GALNT14: variants seen among roughly 807,000 people sequenced by gnomAD.
GALNT14 encodes the protein polypeptide N-acetylgalactosaminyltransferase 14, also known as UDP-GalNAc:polypeptide N-acetylgalactosaminyltransferase 14.
In GALNT14, 60 loss-of-function variants were observed where a neutral mutation model predicts 77.5. The observed-to-expected ratio is 0.77, with a 90% CI of 0.63 to 0.96. The LOEUF is 0.96. Ranked by LOEUF, GALNT14 falls within the 40% of genes least tolerant of loss-of-function variation. The pLI, the probability that GALNT14 is intolerant of heterozygous loss-of-function variation, is 0.00. For synonymous variants in GALNT14, 280 were observed against 281.7 expected (o/e 0.99, Z 0.06); for missense variants, 710 against 731.0 (o/e 0.97, Z 0.33).
intron 2 of GALNT14, among the ~76,000 whole-genome samples, chr2:30,971,809 G>C (rs1338517204): frequency 2.6e-5 from 4 of 151,918 alleles, no homozygotes; most frequent in African/African-American, 9.7e-5. Context: ...AACATGCTCA[G>C]TGATGGTTGC....
At chr2:30,990,873 T>C (rs1421290217) in intron 2 of GALNT14, among the ~76,000 whole-genome samples, 1 of 152,198 alleles carries the variant, frequency 6.6e-6, no homozygotes, top group Non-Finnish European at 1.5e-5. Context: ...AAAGGGAGTC[T>C]AAATTCTGTC....
In GALNT14 at chr2:30,912,341, A is replaced by G; in HGVS notation, c.1382T>C (p.Val461Ala). 1 of 1,613,832 alleles carries G rather than the reference A, an allele frequency of 6.2e-7. No homozygotes were observed. ...KVKGEDAKSQ[V>A]WAFTYTQQIL... ...CTGCTGGGTGTATGTGAAGGCCCAT[A>G]CCTGGGGAGAAAGAGACCAGGAAGG... Residue 461 changes from valine to alanine, a missense_variant and splice_region_variant, in exon 14 of 15, where the codon GTA (valine) becomes GCA (alanine). Coordinates refer to ENST00000349752, the MANE Select transcript of GALNT14 (RefSeq NM_024572.4).
intron 1 of GALNT14, among the ~76,000 whole-genome samples, chr2:31,030,198 A>G (rs113068925): frequency 3.9e-5 from 6 of 152,292 alleles, no homozygotes; most frequent in African/African-American, 1.4e-4. Flanking sequence ...TGGACAGGTT[A>G]GGGATGAAGC....
chr2:31,025,191 T>C (rs1671963072), intron 1 of GALNT14, among the ~76,000 whole-genome samples: 1 of 152,232 alleles, frequency 6.6e-6, no homozygotes, highest in African/African-American at 2.4e-5. Context: ...GATGTAGTTA[T>C]CACTATTATT....
the GALNT14 span, among the ~76,000 whole-genome samples, chr2:30,902,149 C>G: frequency 6.6e-6 from 1 of 152,216 alleles, no homozygotes; most frequent in African/African-American, 2.4e-5. Context: ...CAGGCAAAGG[C>G]ATCCCTGGGG....
chr2:30,897,980 A>G, the GALNT14 span, among the ~76,000 whole-genome samples: 2 of 152,312 alleles, frequency 1.3e-5, no homozygotes, highest in African/African-American at 4.8e-5. Context: ...TGAGGATTGA[A>G]GAGTGCAATG....
At chr2:30,944,995 T>C in intron 7 of GALNT14, 53 bp from the exon 8 acceptor site, 2 of 1,466,810 alleles carry the variant, frequency 1.4e-6, no homozygotes, top group Non-Finnish European at 1.9e-6. Flanking sequence ...CACTTGCTCA[T>C]TCTGCACCCT....
intron 1 of GALNT14, among the ~76,000 whole-genome samples, chr2:31,081,896 C>T (rs1012230917): frequency 6.6e-6 from 1 of 152,114 alleles, no homozygotes; most frequent in African/African-American, 2.4e-5. Context: ...TGATTTTAAT[C>T]GAGCCCACCC....
chr2:31,101,019 A>T (rs571123357), intron 1 of GALNT14, among the ~76,000 whole-genome samples: 133 of 152,114 alleles, frequency 8.7e-4, no homozygotes, highest in Non-Finnish European at 1.5e-3. Context: ...TTTCTATTGA[A>T]GGCATATTCT....
intron 2 of GALNT14, among the ~76,000 whole-genome samples, chr2:30,980,477 A>T (rs1167565112): frequency 1.3e-5 from 2 of 152,240 alleles, no homozygotes; most frequent in Non-Finnish European, 2.9e-5. Context: ...TAGAGGTTAA[A>T]GATGAGGCTC....
intron 1 of GALNT14, among the ~76,000 whole-genome samples, chr2:31,066,512 G>C (rs904085716): frequency 2.6e-5 from 4 of 152,148 alleles, no homozygotes; most frequent in African/African-American, 4.8e-5. Context: ...CCAGTGAGCA[G>C]GGAGGGGCCG....
At chr2:30,995,178 T>C (rs530976685) in intron 1 of GALNT14, among the ~76,000 whole-genome samples, 24 of 104,554 alleles carry the variant, frequency 2.3e-4, no homozygotes, top group African/African-American at 8.5e-4. Context: ...GTGTGTGTGT[T>C]CATGTGCATA....
In GALNT14 at chr2:31,138,362, G is replaced by A; in HGVS notation, c.-276C>T. The A allele has an allele frequency of 2.3e-6, 1 of 444,036 alleles. No individual in the cohort carries two copies. The highest frequency in any genetic ancestry group is 4.0e-6 in the Non-Finnish European group (1 of 251,840). The allele number at this position is 444,036 out of a possible 1,614,324, so 27.5% of individuals were successfully genotyped here. A position where few individuals can be genotyped will look rare whatever the true frequency, so the allele number is the denominator to read the frequency against. On this transcript the variant is annotated 5_prime_UTR_variant, in exon 1 of 15. Transcript: ENST00000349752. ...CTCCAGCGGGAGAAGCGCGGTGGCT[G>A]CCGAGATGTTCCCCACGCCGCCACC...
intron 9 of GALNT14, 51 bp downstream of exon 9, chr2:30,942,149 TC>T: frequency 1.5e-6 from 2 of 1,342,246 alleles, no homozygotes; most frequent in South Asian, 1.2e-5. Flanking sequence ...CCCGCCCCAA[TC>T]CCCAGGGTGT....
At chr2:30,907,437 C>G (rs528240960), downstream of GALNT14, among the ~76,000 whole-genome samples, 1 of 152,192 alleles carries the variant, frequency 6.6e-6, no homozygotes, top group African/African-American at 2.4e-5. Context: ...AAGAACTCTA[C>G]GCCAATAAAC....
chr2:30,909,758 C>T (rs1222005594), downstream of GALNT14, among the ~76,000 whole-genome samples: 2 of 151,936 alleles, frequency 1.3e-5, no homozygotes, highest in Admixed American at 6.6e-5. Flanking sequence ...GACACATGCA[C>T]ATGTATGTTT....
chr2:31,105,028 G>A (rs1677485364), intron 1 of GALNT14, among the ~76,000 whole-genome samples: 1 of 152,172 alleles, frequency 6.6e-6, no homozygotes, highest in African/African-American at 2.4e-5. Context: ...AATTACCACA[G>A]TTACGGTGAC....
chr2:30,983,629 C>T (rs1040529159), intron 2 of GALNT14, among the ~76,000 whole-genome samples: 1 of 152,134 alleles, frequency 6.6e-6, no homozygotes, highest in African/African-American at 2.4e-5. Context: ...TGGCAGAACA[C>T]CAGATGACAC....
chr2:30,932,352 A>C lies in GALNT14; in HGVS notation c.932-158T>G, dbSNP rs547973457. 2.0e-5 allele frequency among the ~76,000 whole-genome samples: 3 copies of C among 152,324 alleles called. No homozygotes were observed. The East Asian group carries it at 5.8e-4, about 29-fold the overall frequency. ...CTGGCTGAGAGACCTCAGTTTCCCC[A>C]TCCATAAATGGGAATAGTCCTACCA... On this transcript the variant is annotated intron_variant, in intron 9 of 14. Transcript: ENST00000349752.
Sources: allele counts gnomAD v4.1 joint callset (sites outside exome capture counted in the v4.1 genomes callset), GRCh38; gene constraint gnomAD v4.1.1; transcripts MANE v1.5; gene names NCBI Gene and HGNC (gene_info 2026-07-23, HGNC 2026-07-21).